The following SLC24A2 variants were observed in gnomAD, a reference collection of about 807,000 sequenced individuals.
SLC24A2 encodes solute carrier family 24 member 2.
A neutral mutation model predicts 62.0 loss-of-function variants in SLC24A2; 36 were observed. The observed-to-expected ratio is 0.58, with a 90% CI of 0.44 to 0.77. SLC24A2 has a LOEUF of 0.77. Among genes scored for constraint, SLC24A2 ranks in the 30% least tolerant of loss-of-function variants. SLC24A2 has a pLI of 0.00. For synonymous variants in SLC24A2, 358 were observed against 294.0 expected (o/e 1.22, Z -2.23); for missense variants, 846 against 817.9 (o/e 1.03, Z -0.42).
chr9:20,154,822 T>C, the SLC24A2 span, among the ~76,000 whole-genome samples: 289 of 151,830 alleles, frequency 1.9e-3, 2 homozygotes, highest in African/African-American at 6.8e-3. Flanking sequence ...TGTTTCCCCC[T>C]GCCATCCTCT....
At chr9:19,792,536 C>CAAAAAAAAAAAAA (rs1165695410), upstream of SLC24A2, among the ~76,000 whole-genome samples, 6 of 74,584 alleles carry the variant, frequency 8.0e-5, no homozygotes, top group East Asian at 4.4e-4. Context: ...ACTAAAAATA[C>CAAAAAAAAAAAAA]AAAAAAAAAA....
At chr9:20,258,662 C>A in the SLC24A2 span, among the ~76,000 whole-genome samples, 3 of 152,128 alleles carry the variant, frequency 2.0e-5, no homozygotes, top group African/African-American at 7.2e-5. Flanking sequence ...CATGAAGCCA[C>A]GCTATTGGCT....
At chr9:20,135,402 C>CAATTTAAAATTTT in the SLC24A2 span, among the ~76,000 whole-genome samples, 1 of 149,336 alleles carries the variant, frequency 6.7e-6, no homozygotes, top group African/African-American at 2.5e-5. Context: ...TTTTTAATTA[C>CAATTTAAAATTTT]CTCAGTAATT....
At chr9:19,604,316 C>T (rs1478235213) in intron 4 of SLC24A2, among the ~76,000 whole-genome samples, 1 of 152,180 alleles carries the variant, frequency 6.6e-6, no homozygotes, top group African/African-American at 2.4e-5. Flanking sequence ...GGAGGACTTA[C>T]ATCATGCAGA....
At chr9:19,568,551 C>T (rs892356680) in intron 7 of SLC24A2, among the ~76,000 whole-genome samples, 1 of 152,216 alleles carries the variant, frequency 6.6e-6, no homozygotes, top group Non-Finnish European at 1.5e-5. Context: ...ATCCTCACAA[C>T]AGTGCTATGA....
the SLC24A2 span, among the ~76,000 whole-genome samples, chr9:19,908,558 A>C: frequency 6.6e-6 from 1 of 152,218 alleles, no homozygotes; most frequent in Non-Finnish European, 1.5e-5. Flanking sequence ...AACCTACAGA[A>C]TGAGAGAAAA....
the SLC24A2 span, among the ~76,000 whole-genome samples, chr9:20,141,851 G>A: frequency 3.3e-5 from 5 of 152,186 alleles, no homozygotes; most frequent in Non-Finnish European, 4.4e-5. Context: ...GAGAGGCCAA[G>A]GCAGGTGAAT....
chr9:20,291,874 T>C, the SLC24A2 span, among the ~76,000 whole-genome samples: 1 of 151,658 alleles, frequency 6.6e-6, no homozygotes, highest in African/African-American at 2.4e-5. Context: ...CACCCTGTGG[T>C]GGAAGGACTG....
the SLC24A2 span, among the ~76,000 whole-genome samples, chr9:20,177,544 G>A: frequency 3.3e-5 from 5 of 152,102 alleles, no homozygotes; most frequent in Non-Finnish European, 7.4e-5. Flanking sequence ...ATCTGATCAA[G>A]TCTTGAGAGG....
At chr9:20,078,193 G>A in the SLC24A2 span, among the ~76,000 whole-genome samples, 1 of 152,194 alleles carries the variant, frequency 6.6e-6, no homozygotes. Flanking sequence ...TTCAGTGCCA[G>A]ACTGTGCACT....
At chr9:19,641,186 C>T (rs139645835) in intron 2 of SLC24A2, among the ~76,000 whole-genome samples, 1 of 152,350 alleles carries the variant, frequency 6.6e-6, no homozygotes, top group African/African-American at 2.4e-5. Flanking sequence ...ATTTGTCTTA[C>T]TCCTGTTGAT....
At chr9:20,028,728 T>A in the SLC24A2 span, among the ~76,000 whole-genome samples, 2 of 152,352 alleles carry the variant, frequency 1.3e-5, no homozygotes, top group Middle Eastern at 3.4e-3. Flanking sequence ...ACCTGCGGCA[T>A]CTCTTGAGTA....
chr9:19,548,038 C>T (rs1563953655), intron 8 of SLC24A2, among the ~76,000 whole-genome samples: 1 of 151,666 alleles, frequency 6.6e-6, no homozygotes, highest in Non-Finnish European at 1.5e-5. Context: ...CTGTGTCATG[C>T]ATCCTTTACC....
chr9:19,527,295 C>T (rs1013888158), intron 9 of SLC24A2, among the ~76,000 whole-genome samples: 1 of 152,060 alleles, frequency 6.6e-6, no homozygotes, highest in Non-Finnish European at 1.5e-5. Flanking sequence ...TCAGTTCTAC[C>T]TATGTGATTT....
chr9:20,266,512 C>G, the SLC24A2 span, among the ~76,000 whole-genome samples: 1 of 152,138 alleles, frequency 6.6e-6, no homozygotes, highest in African/African-American at 2.4e-5. Context: ...TCGATAACTG[C>G]TTTTCAAGTT....
chr9:20,018,083 ACT>A, the SLC24A2 span, among the ~76,000 whole-genome samples: 1 of 152,118 alleles, frequency 6.6e-6, no homozygotes, highest in South Asian at 2.1e-4. Context: ...AGTAGCTGGG[ACT>A]ACAGGCACCC....
At chr9:20,112,977 G>C in the SLC24A2 span, among the ~76,000 whole-genome samples, 1 of 152,082 alleles carries the variant, frequency 6.6e-6, no homozygotes, top group Non-Finnish European at 1.5e-5. Flanking sequence ...AGACACAAGT[G>C]AAGCAAGTAA....
chr9:19,760,554 C>T (rs981627381), intron 2 of SLC24A2, among the ~76,000 whole-genome samples: 1 of 151,638 alleles, frequency 6.6e-6, no homozygotes, highest in Non-Finnish European at 1.5e-5. Flanking sequence ...GTGTGATGTT[C>T]CCCTCCCTAT....
chr9:19,750,608 G>A (rs2118807105), intron 2 of SLC24A2, among the ~76,000 whole-genome samples: 1 of 152,170 alleles, frequency 6.6e-6, no homozygotes, highest in East Asian at 1.9e-4. Context: ...CCCTTTTGGT[G>A]TACTCTTTTC....
Sources: gnomAD v4.1 joint callset for allele counts (sites outside exome capture counted in the v4.1 genomes callset) on GRCh38, gnomAD v4.1.1 for gene constraint, MANE v1.5 for transcripts, NCBI Gene and HGNC (gene_info 2026-07-23, HGNC 2026-07-21) for gene names.